DNAJC13: variants seen among roughly 807,000 people sequenced by gnomAD.
DNAJC13 encodes dnaJ homolog subfamily C member 13.
In DNAJC13, 75 loss-of-function variants were observed where a neutral mutation model predicts 290.5. The observed-to-expected ratio is 0.26, with a 90% CI of 0.21 to 0.31. The LOEUF is 0.31. Ranked by LOEUF, DNAJC13 falls within the 10% of genes least tolerant of loss-of-function variation. The probability of loss-of-function intolerance (pLI) is 1.00; values close to 1 mark genes in which losing one functional copy is unlikely to be tolerated. For synonymous variants in DNAJC13, 862 were observed against 892.0 expected (o/e 0.97, Z 0.60); for missense variants, 2,260 against 2,674.5 (o/e 0.85, Z 3.42).
intron 2 of DNAJC13, among the ~76,000 whole-genome samples, chr3:132,441,467 T>C (rs1420793888): frequency 1.3e-5 from 2 of 152,238 alleles, no homozygotes; most frequent in Non-Finnish European, 2.9e-5. Flanking sequence ...AGCTGTCTTC[T>C]AACTTTGATT....
In DNAJC13 at chr3:132,453,312, A is replaced by C. The variant is rs750834264; in HGVS notation, c.552A>C (p.Ser184=). The change falls in exon 7 of 56, where the codon TCA becomes TCC. Residue 184 remains serine (S), a synonymous_variant. Transcript: ENST00000260818. ...GGFSRLHLFA[S]EQREEIIKSA... is the part of the protein sequence containing the mutation. ...AATTTGTGCAGCATTTATTTGCGTC[A>C]GAGCAAAGAGAAGAGATTATTAAAA... 6.2e-7 allele frequency: 1 copy of C among 1,613,250 alleles called. No individual in the cohort carries two copies. The highest frequency in any genetic ancestry group is 8.5e-7 in the Non-Finnish European group (1 of 1,179,682).
chr3:132,438,968 G>A lies in DNAJC13; in HGVS notation c.68+4350G>A, dbSNP rs529357261. On this transcript the variant is annotated intron_variant, in intron 2 of 55. Transcript: ENST00000260818. ...GGCCTAAGTAAGCCATTTCAGAGAG[G>A]AAGGAAAGTTCAGATGTTTCAGTTA... is the stretch of plus-strand genomic sequence containing the variant. 5.9e-5 allele frequency among the ~76,000 whole-genome samples: 9 copies of A among 152,292 alleles called. No individual in the cohort carries two copies. In the South Asian group the frequency reaches 1.7e-3, roughly 28 times the overall value.
chr3:132,510,977 T>C, intron 43 of DNAJC13, 90 bp from the exon 44 acceptor site: 5 of 1,393,012 alleles, frequency 3.6e-6, no homozygotes, highest in Non-Finnish European at 4.9e-6. Flanking sequence ...TCATGTTTTA[T>C]TCACTTTCAT....
chr3:132,442,548 C>T (rs752231370), intron 2 of DNAJC13, among the ~76,000 whole-genome samples: 1 of 152,102 alleles, frequency 6.6e-6, no homozygotes, highest in South Asian at 2.1e-4. Context: ...ATCAGCACAA[C>T]ATTTTTTTTT....
At chr3:132,531,181 G>A in intron 55 of DNAJC13, 84 bp downstream of exon 55, 2 of 1,158,186 alleles carry the variant, frequency 1.7e-6, no homozygotes, top group Admixed American at 1.8e-5. Flanking sequence ...ACTTAAAATT[G>A]TGTTCAGAGT....
intron 2 of DNAJC13, among the ~76,000 whole-genome samples, chr3:132,443,564 T>G (rs1933143233): frequency 6.6e-6 from 1 of 152,224 alleles, no homozygotes; most frequent in Non-Finnish European, 1.5e-5. Context: ...AGAAAATCAT[T>G]GAAAGTTTAG....
At position 132,499,205 on chromosome 3, in the gene DNAJC13, C is replaced by T. The variant is rs1479821026; in HGVS notation, c.4236C>T (p.Phe1412=). 5 of 1,613,974 alleles carry T rather than the reference C, an allele frequency of 3.1e-6. No individual in the cohort carries two copies. In the Admixed American group the frequency reaches 5.0e-5, roughly 16 times the overall value. Reference sequence around the variant, plus strand: ...TGGAAACTTCAGATGACCTCCTTTTCTCAAAAGAATCACCATTGTTGCCTG... The same window carrying T: ...TGGAAACTTCAGATGACCTCCTTTTTTCAAAAGAATCACCATTGTTGCCTG... The part of the protein sequence containing the change: ...ITMETSDDLL[F]SKESPLLPAA... Residue 1412 remains phenylalanine (F), a synonymous_variant, in exon 37 of 56, where the codon TTC becomes TTT. Transcript: ENST00000260818.
chr3:132,522,475 AG>A (rs1936119660), intron 48 of DNAJC13, among the ~76,000 whole-genome samples: 1 of 152,204 alleles, frequency 6.6e-6, no homozygotes, highest in Non-Finnish European at 1.5e-5. Context: ...AGCCTGGCTA[AG>A]GGCATTCTGC....
At chr3:132,512,905 A>G in intron 44 of DNAJC13, 103 bp from the exon 45 acceptor site, 1 of 942,384 alleles carries the variant, frequency 1.1e-6, no homozygotes, top group South Asian at 1.5e-5. Flanking sequence ...ACCAGTTATC[A>G]GAGACTTAAA....
intron 1 of DNAJC13, among the ~76,000 whole-genome samples, chr3:132,425,244 G>C (rs1319767214): frequency 1.3e-5 from 2 of 152,122 alleles, no homozygotes; most frequent in East Asian, 3.8e-4. Flanking sequence ...AGATATAGCT[G>C]TAGGAAGTAT....
intron 26 of DNAJC13, among the ~76,000 whole-genome samples, chr3:132,481,781 A>G (rs1934682980): frequency 6.6e-6 from 1 of 152,238 alleles, no homozygotes; most frequent in African/African-American, 2.4e-5. Context: ...TTGATCTCAG[A>G]TACTTATTGG....
At chr3:132,524,668 T>C (rs1297775658) in intron 51 of DNAJC13, among the ~76,000 whole-genome samples, 3 of 152,236 alleles carry the variant, frequency 2.0e-5, no homozygotes, top group African/African-American at 7.2e-5. Flanking sequence ...ATTCCTCCAA[T>C]AGGATTTCTA....
In DNAJC13 at chr3:132,511,015, A is replaced by C. The variant is rs78528345; in HGVS notation, c.5116-52A>C. 2.8e-3 allele frequency: 4,386 copies of C among 1,579,176 alleles called. 100 individuals are homozygous for C. The African/African-American group carries it at 0.053, about 19-fold the overall frequency. On this transcript the variant is annotated intron_variant, in intron 43 of 55. Coordinates refer to ENST00000260818, the MANE Select transcript of DNAJC13 (RefSeq NM_015268.4). ...CTTAAAGTTCTTTCTTTTGCTATGG[A>C]GTTATTTCTTAGGGCACCCATGTTG...
rs1933783238 is a variant in DNAJC13 at position 132,461,160 on chromosome 3, G to A, written c.1668G>A (p.Leu556=). 2 of 1,613,982 alleles carry A rather than the reference G, an allele frequency of 1.2e-6. No individual in the cohort carries two copies. ...AAGGGCAGCAGTTTGATATGCTCTT[G>A]GAGATGGTAGCATCCAATGGAAGAA... ...TTEGQQFDML[L]EMVASNGRTL... Residue 556 remains leucine (L), a synonymous_variant, in exon 15 of 56, where the codon TTG becomes TTA. Transcript: ENST00000260818.
intron 55 of DNAJC13, among the ~76,000 whole-genome samples, chr3:132,536,953 A>G (rs976267249): frequency 1.3e-5 from 2 of 152,190 alleles, no homozygotes; most frequent in African/African-American, 4.8e-5. Flanking sequence ...TACAGCTCAC[A>G]CAGGCTGAGT....
chr3:132,476,969 A>G (rs1053378163), intron 22 of DNAJC13, among the ~76,000 whole-genome samples: 20 of 152,270 alleles, frequency 1.3e-4, no homozygotes, highest in African/African-American at 4.8e-4. Context: ...TCACCCAACT[A>G]TCAAATATAT....
intron 8 of DNAJC13, 55 bp downstream of exon 8, chr3:132,453,749 A>G: frequency 1.4e-6 from 2 of 1,440,980 alleles, no homozygotes; most frequent in Non-Finnish European, 1.9e-6. Context: ...ATAAATTAGG[A>G]TAATTTTCTT....
At chr3:132,497,664 T>G (rs1935277791) in intron 36 of DNAJC13, among the ~76,000 whole-genome samples, 1 of 152,216 alleles carries the variant, frequency 6.6e-6, no homozygotes, top group African/African-American at 2.4e-5. Context: ...TTCAAAACCC[T>G]TGGTTGTCTT....
At chr3:132,509,944 G>T (rs145340674) in intron 43 of DNAJC13, among the ~76,000 whole-genome samples, 8 of 152,192 alleles carry the variant, frequency 5.3e-5, no homozygotes, top group Non-Finnish European at 1.2e-4. Flanking sequence ...CTATCTCTGA[G>T]GTGTGCCTTT....
Sources: allele counts gnomAD v4.1 joint callset (sites outside exome capture counted in the v4.1 genomes callset), GRCh38; gene constraint gnomAD v4.1.1; transcripts MANE v1.5; gene names NCBI Gene and HGNC (gene_info 2026-07-23, HGNC 2026-07-21).